CWF19L1: variants seen among roughly 807,000 people sequenced by gnomAD.
CWF19L1 encodes the protein CWF19-like protein 1.
Under a neutral mutation model 69.7 loss-of-function variants are expected in CWF19L1, and 60 were observed. The observed-to-expected ratio is 0.86, with a 90% CI of 0.70 to 1.07. The LOEUF (loss-of-function observed/expected upper bound fraction) is 1.07, where lower values mean the gene tolerates loss of function less well. CWF19L1 is among the 50% of genes least tolerant of loss of function. The probability of loss-of-function intolerance (pLI) is 0.00; values close to 1 mark genes in which losing one functional copy is unlikely to be tolerated. For synonymous variants in CWF19L1, 209 were observed against 222.2 expected (o/e 0.94, Z 0.53); for missense variants, 591 against 638.9 (o/e 0.92, Z 0.81).
rs557000278 is a variant in CWF19L1, at chr10:100,264,802, C to CGT, written c.24-2741_24-2740dup. On this transcript the variant is annotated intron_variant, in intron 1 of 13. Transcript: ENST00000354105. ...TCCTGACCCTGTGTAGGCCTAGACTCGTGTGTGTGTCTTAGTTTGCAACAA... is the reference window on the plus strand; with the variant it reads ...TCCTGACCCTGTGTAGGCCTAGACTCGTGTGTGTGTGTCTTAGTTTGCAACAA... Among the ~76,000 whole-genome samples, 24 of 151,794 alleles carry CGT rather than the reference C, an allele frequency of 1.6e-4. No individual in the cohort carries two copies. The East Asian group carries it at 2.7e-3, about 17-fold the overall frequency.
intron 1 of CWF19L1, among the ~76,000 whole-genome samples, chr10:100,264,518 C>T (rs1847507466): frequency 6.7e-6 from 1 of 149,218 alleles, no homozygotes; most frequent in South Asian, 2.1e-4. Flanking sequence ...GCACTCCAGC[C>T]TGGGCAACAG....
chr10:100,266,549 CTG>C (rs1418264958), intron 1 of CWF19L1, among the ~76,000 whole-genome samples: 1 of 151,254 alleles, frequency 6.6e-6, no homozygotes, highest in Admixed American at 6.6e-5. Flanking sequence ...GAGTCTCACT[CTG>C]TTACCTAGGC....
rs141968098 is a variant in CWF19L1 at position 100,244,379 on chromosome 10, G to T, written c.965-602C>A. On this transcript the variant is annotated intron_variant, in intron 9 of 13. Coordinates refer to ENST00000354105, the MANE Select transcript of CWF19L1 (RefSeq NM_018294.6). ...ATTCTTATTTTATTTTTTTTGAGAC[G>T]GAGTCTCGCTCTGTCGCCTAGGGTG... is the stretch of plus-strand genomic sequence containing the variant. Among the ~76,000 whole-genome samples, 26 of 152,166 alleles carry T rather than the reference G, an allele frequency of 1.7e-4. 1 individual carries two copies. The East Asian group carries it at 4.3e-3, about 25-fold the overall frequency.
intron 4 of CWF19L1, among the ~76,000 whole-genome samples, chr10:100,257,079 G>GC (rs1488296490): frequency 6.6e-6 from 1 of 152,144 alleles, no homozygotes; most frequent in Non-Finnish European, 1.5e-5. Context: ...CTGGCTTGTG[G>GC]CCTTGTTTCC....
chr10:100,240,750 A>G (rs1277800992), intron 10 of CWF19L1, among the ~76,000 whole-genome samples: 1 of 152,304 alleles, frequency 6.6e-6, no homozygotes, highest in African/African-American at 2.4e-5. Context: ...CTTCCCAAAC[A>G]GAAGGCAATT....
intron 9 of CWF19L1, among the ~76,000 whole-genome samples, chr10:100,244,577 G>A (rs901806879): frequency 6.6e-6 from 1 of 150,510 alleles, no homozygotes; most frequent in Non-Finnish European, 1.5e-5. Flanking sequence ...GGATGGTCTC[G>A]ATCTCCTGAC....
In CWF19L1 at chr10:100,262,048, A is replaced by G; in HGVS notation, c.39T>C (p.Asp13=). 1 of 1,610,712 alleles carries G rather than the reference A, an allele frequency of 6.2e-7. No individual in the cohort carries two copies. Among genetic ancestry groups the G allele is most frequent in the East Asian group, 2.2e-5 (1 of 44,790 alleles). ...QKPLRLLACG[D]VEGKFDILFN... ...ATAAAATATCAAACTTTCCTTCAACATCTCCACAAGCCAAGCTGCAAACAA... is the reference window on the plus strand; with the variant it reads ...ATAAAATATCAAACTTTCCTTCAACGTCTCCACAAGCCAAGCTGCAAACAA... The change falls in exon 2 of 14, where the codon GAT becomes GAC. Residue 13 remains aspartate (D), a synonymous_variant. Coordinates refer to ENST00000354105, the MANE Select transcript of CWF19L1 (RefSeq NM_018294.6).
At chr10:100,259,011 G>C (rs942234434) in intron 4 of CWF19L1, among the ~76,000 whole-genome samples, 1 of 151,688 alleles carries the variant, frequency 6.6e-6, no homozygotes. Context: ...GACCATCCTG[G>C]CCAACATGGT....
At position 100,253,461 on chromosome 10, in the gene CWF19L1, C is replaced by CA. The variant is rs759808801; in HGVS notation, c.582dup (p.Ala195CysfsTer9). On this transcript the variant is annotated frameshift_variant, in exon 6 of 14. Coordinates refer to ENST00000354105, the MANE Select transcript of CWF19L1 (RefSeq NM_018294.6). LOFTEE classifies it high-confidence loss of function. ...TCATAATAGGTCTTTTCCAAAGCAG[C>CA]AAAATGGTATCTTGGTTTCAAGCCC... 2 of 1,613,858 alleles carry CA rather than the reference C, an allele frequency of 1.2e-6. No individual in the cohort carries two copies. The highest frequency in any genetic ancestry group is 1.7e-6 in the Non-Finnish European group (2 of 1,179,764).
chr10:100,235,670 C>T lies in CWF19L1; in HGVS notation c.1469G>A (p.Gly490Glu). Residue 490 changes from glycine (G) to glutamate (E), a missense_variant, in exon 13 of 14, where the codon GGA becomes GAA. By Grantham distance (98) the Gly-to-Glu change is moderately conservative. Around this residue, in one of 3 missense-constraint regions of CWF19L1, gnomAD observed 458 missense variants for 489.3 expected, o/e 0.94. Coordinates refer to ENST00000354105, the MANE Select transcript of CWF19L1 (RefSeq NM_018294.6). ...ATTGAAAAGAAGAAAAACATACCTT[C>T]CAAACTGCAAAGGAAAATTCTTTTT... is the stretch of plus-strand genomic sequence containing the variant. The part of the protein sequence containing the change: ...RIKKNFPLQF[G>E]REVLASEAIL... 6.2e-7 allele frequency: 1 copy of T among 1,607,486 alleles called. No individual in the cohort carries two copies. Among genetic ancestry groups the T allele is most frequent in the Non-Finnish European group, 8.5e-7 (1 of 1,176,042 alleles).
intron 13 of CWF19L1, among the ~76,000 whole-genome samples, chr10:100,234,490 T>C (rs971107559): frequency 6.6e-6 from 1 of 152,182 alleles, no homozygotes; most frequent in African/African-American, 2.4e-5. Context: ...ACCGCATCTG[T>C]TGCTGAGGCA....
intron 5 of CWF19L1, chr10:100,253,880 GT>G (rs10689337): frequency 3.9e-3 from 621 of 159,886 alleles, no homozygotes; most frequent in South Asian, 0.011. Flanking sequence ...GTTTTGGTTT[GT>G]TTTTTTTTTT....
At chr10:100,264,556 A>AT (rs200298067) in intron 1 of CWF19L1, among the ~76,000 whole-genome samples, 266 of 151,360 alleles carry the variant, frequency 1.8e-3, no homozygotes, top group Non-Finnish European at 2.8e-3. Flanking sequence ...AAAAAAAAAA[A>AT]ATATATTCAG....
chr10:100,248,289 G>C, intron 7 of CWF19L1: 2 of 1,361,038 alleles, frequency 1.5e-6, no homozygotes, highest in South Asian at 2.3e-5. Flanking sequence ...TGAGTCCGTT[G>C]GCAAGTTTGG....
intron 4 of CWF19L1, among the ~76,000 whole-genome samples, chr10:100,259,431 C>G (rs1376938866): frequency 2.0e-5 from 3 of 152,086 alleles, no homozygotes; most frequent in Non-Finnish European, 4.4e-5. Context: ...CCCCAAAGAA[C>G]AGCACTAAAA....
rs1168054127 is a variant in CWF19L1 at position 100,267,422 on chromosome 10, G to A, written c.23+149C>T. On this transcript the variant is annotated intron_variant, in intron 1 of 13. Transcript: ENST00000354105. The stretch of plus-strand genomic sequence containing the variant: ...AGGAAAAGAGGTCAGCCCCGGCCAG[G>A]CAAAGACATCACCTAAGCTCCCCAG... The A allele has an allele frequency of 5.2e-6, 8 of 1,539,764 alleles. No individual in the cohort carries two copies. In the African/African-American group the frequency reaches 8.3e-5, roughly 16 times the overall value.
chr10:100,254,448 C>A (rs557855243), intron 5 of CWF19L1: 1 of 152,260 alleles, frequency 6.6e-6, no homozygotes, highest in East Asian at 1.9e-4. Context: ...CTGTTAACAA[C>A]CAATTAAGTG....
intron 4 of CWF19L1, 77 bp from the exon 5 acceptor site, chr10:100,256,553 C>CT: frequency 1.8e-6 from 2 of 1,108,694 alleles, no homozygotes; most frequent in Non-Finnish European, 2.7e-6. Flanking sequence ...ATGAATCTCC[C>CT]ATGACTCTCC....
chr10:100,240,463 G>A (rs7923115), intron 10 of CWF19L1, among the ~76,000 whole-genome samples: 9,503 of 152,292 alleles, frequency 0.062, 342 homozygotes, highest in African/African-American at 0.095. Flanking sequence ...CCTAAGGACA[G>A]TGTAGACTCT....
Sources: allele counts gnomAD v4.1 joint callset (sites outside exome capture counted in the v4.1 genomes callset), GRCh38; gene constraint gnomAD v4.1.1; regional missense constraint gnomAD v4.1.1; transcripts MANE v1.5; gene names NCBI Gene and HGNC (gene_info 2026-07-23, HGNC 2026-07-21).